The following DDX31 variants were observed in gnomAD, a reference collection of about 807,000 sequenced individuals.
DDX31 encodes DEAD-box helicase 31.
Under a neutral mutation model 91.3 loss-of-function variants are expected in DDX31, and 70 were observed. The observed-to-expected ratio is 0.77, with a 90% CI of 0.63 to 0.94. The LOEUF (loss-of-function observed/expected upper bound fraction) is 0.94, where lower values mean the gene tolerates loss of function less well. Among genes scored for constraint, DDX31 ranks in the 40% least tolerant of loss-of-function variants. The pLI, the probability that DDX31 is intolerant of heterozygous loss-of-function variation, is 0.00. For missense variants in DDX31, 902 were observed against 925.0 expected, an observed-to-expected ratio of 0.98 and a Z score of 0.32; for synonymous variants, 362 against 350.6, an observed-to-expected ratio of 1.03 and a Z score of -0.36.
Position 132,612,075 on chromosome 9 carries a change from A to G in DDX31, c.1994+12T>C. ...TCTAGCCCCGTCACGGGACGAATTC[A>G]GCTCATCTTACCTTTTCACGTGTGC... On this transcript the variant is annotated intron_variant, in intron 19 of 19. Transcript: ENST00000372159. 1 of 1,610,532 alleles carries G rather than the reference A, an allele frequency of 6.2e-7. No individual in the cohort carries two copies. The highest frequency in any genetic ancestry group is 1.1e-5 in the South Asian group (1 of 91,004).
intron 17 of DDX31, 101 bp downstream of exon 17, chr9:132,625,546 GTTCTTAAAATAAATGTA>G: frequency 2.5e-6 from 2 of 784,988 alleles, no homozygotes; most frequent in African/African-American, 3.6e-5. Context: ...AATGTTCATG[GTTCTTAAAATAAATGTA>G]TTGCTTGACA....
At chr9:132,652,005 G>C (rs1438064190) in intron 7 of DDX31, among the ~76,000 whole-genome samples, 1 of 152,114 alleles carries the variant, frequency 6.6e-6, no homozygotes, top group Non-Finnish European at 1.5e-5. Context: ...AGATCAGATA[G>C]AAGAGATTTC....
At chr9:132,658,757 C>A in intron 5 of DDX31, 22 bp from the exon 6 acceptor site, 5 of 1,609,876 alleles carry the variant, frequency 3.1e-6, no homozygotes, top group Non-Finnish European at 4.2e-6. Context: ...AAAGCAGAAG[C>A]AATTAAAATC....
chr9:132,612,860 T>C (rs1034968598), intron 18 of DDX31, among the ~76,000 whole-genome samples: 2 of 152,170 alleles, frequency 1.3e-5, no homozygotes, highest in African/African-American at 4.8e-5. Context: ...CCAGCTCCCT[T>C]ATCCATAGGC....
rs1173882014 is a variant in DDX31, at chr9:132,658,657, C to T, written c.588+14G>A. ...CACTATGAGCAATGACAGAAAAACA[C>T]ATTTGATACACACCTGTATTTTTGA... On this transcript the variant is annotated intron_variant, in intron 6 of 19. Coordinates refer to ENST00000372159, the MANE Select transcript of DDX31 (RefSeq NM_022779.9). 5 of 1,612,240 alleles carry T rather than the reference C, an allele frequency of 3.1e-6. No homozygotes were observed. The highest frequency in any genetic ancestry group is 4.2e-6 in the Non-Finnish European group (5 of 1,178,926).
chr9:132,664,555 C>G (rs1279516048), intron 1 of DDX31, among the ~76,000 whole-genome samples: 1 of 151,732 alleles, frequency 6.6e-6, no homozygotes, highest in Non-Finnish European at 1.5e-5. Context: ...CAAAAAAATA[C>G]AAAAATTAGC....
chr9:132,599,467 G>A (rs1468364271), intron 19 of DDX31, among the ~76,000 whole-genome samples: 2 of 152,206 alleles, frequency 1.3e-5, no homozygotes, highest in Non-Finnish European at 2.9e-5. Context: ...AAATGTATCA[G>A]GGTTAACCTG....
intron 3 of DDX31, 44 bp downstream of exon 3, chr9:132,662,217 C>T (rs773928328): frequency 5.0e-6 from 8 of 1,604,386 alleles, no homozygotes; most frequent in South Asian, 1.1e-5. Context: ...AACGGACAAA[C>T]ACACCAAAAA....
At chr9:132,622,091 G>A (rs536539522) in intron 17 of DDX31, among the ~76,000 whole-genome samples, 9 of 152,132 alleles carry the variant, frequency 5.9e-5, no homozygotes, top group African/African-American at 2.2e-4. Context: ...ATGAGACAGA[G>A]TTTCTAGACC....
chr9:132,645,241 G>A lies in DDX31; in HGVS notation c.1380+654C>T, dbSNP rs1053159404. On this transcript the variant is annotated intron_variant, in intron 13 of 19. Coordinates refer to ENST00000372159, the MANE Select transcript of DDX31 (RefSeq NM_022779.9). ...ATTCCACCCCGACTCCATAACAAAC[G>A]GCCTAGTTAAGAGTGGAGGAATGCG... 9.2e-5 allele frequency among the ~76,000 whole-genome samples: 14 copies of A among 152,100 alleles called. No homozygotes were observed. In the East Asian group the frequency reaches 1.7e-3, roughly 19 times the overall value.
chr9:132,594,719 A>G lies in DDX31; in HGVS notation c.*147T>C. On this transcript the variant is annotated 3_prime_UTR_variant, in exon 20 of 20. Transcript: ENST00000372159. Reference sequence around the variant, plus strand: ...CAGGCTCCAGGGCCTCCCATGGAGGAGAAGGGCTGTGGCCCCTCTGATTCT... The same window carrying G: ...CAGGCTCCAGGGCCTCCCATGGAGGGGAAGGGCTGTGGCCCCTCTGATTCT... 2.2e-6 allele frequency: 3 copies of G among 1,339,150 alleles called. No homozygotes were observed. Among genetic ancestry groups the G allele is most frequent in the Non-Finnish European group, 3.1e-6 (3 of 980,992 alleles). 83.0% of individuals were successfully genotyped at this position (1,339,150 alleles called of 1,614,324 possible).
At chr9:132,638,374 G>T in intron 14 of DDX31, 1 of 1,614,156 alleles carries the variant, frequency 6.2e-7, no homozygotes. Context: ...CTGTAAGTAG[G>T]AGGAAATAAC....
rs748309055 is a variant in DDX31 at position 132,662,215 on chromosome 9, AAC to A, written c.408+44_408+45del. ...ATTTCACAGACCTTCTGAACGGACA[AAC>A]ACACCAAAAAAAACTGACCCAGAAA... On this transcript the variant is annotated intron_variant, in intron 3 of 19. Coordinates refer to ENST00000372159, the MANE Select transcript of DDX31 (RefSeq NM_022779.9). 3.1e-6 allele frequency: 5 copies of A among 1,603,402 alleles called. No homozygotes were observed. The South Asian group carries it at 4.4e-5, about 14-fold the overall frequency.
chr9:132,637,804 T>C, intron 14 of DDX31: 2 of 984,420 alleles, frequency 2.0e-6, no homozygotes. Context: ...ATCTTTCCAT[T>C]AACGAAACAA....
intron 19 of DDX31, among the ~76,000 whole-genome samples, chr9:132,608,251 C>T (rs1191517906): frequency 6.6e-6 from 1 of 152,146 alleles, no homozygotes; most frequent in Non-Finnish European, 1.5e-5. Flanking sequence ...GCTGTTTTGA[C>T]AGGTTTGCGT....
intron 11 of DDX31, 151 bp downstream of exon 11, chr9:132,648,038 G>C: frequency 3.3e-6 from 2 of 610,372 alleles, no homozygotes; most frequent in Non-Finnish European, 5.6e-6. Context: ...GTAGAACATA[G>C]AGTTTGAAAA....
rs775959014 is a variant in DDX31, at chr9:132,646,080, A to G, written c.1204-9T>C. 2 of 1,607,390 alleles carry G rather than the reference A, an allele frequency of 1.2e-6. No homozygotes were observed. The highest frequency in any genetic ancestry group is 1.7e-6 in the Non-Finnish European group (2 of 1,175,358). Reference sequence around the variant, plus strand: ...TTCTGGTCTTCCTCAAACTACATCGATACAAAGGGAGGAAAAACCGACATA... The same window carrying G: ...TTCTGGTCTTCCTCAAACTACATCGGTACAAAGGGAGGAAAAACCGACATA... On this transcript the variant is annotated splice_polypyrimidine_tract_variant and intron_variant, in intron 12 of 19. Coordinates refer to ENST00000372159, the MANE Select transcript of DDX31 (RefSeq NM_022779.9).
At chr9:132,662,814 C>A in intron 1 of DDX31, 119 bp from the exon 2 acceptor site, 1 of 1,331,636 alleles carries the variant, frequency 7.5e-7, no homozygotes, top group Non-Finnish European at 1.0e-6. Flanking sequence ...TCATTATGCC[C>A]CATATGTCAA....
chr9:132,651,319 C>T (rs188700379), intron 7 of DDX31, among the ~76,000 whole-genome samples: 1 of 152,276 alleles, frequency 6.6e-6, no homozygotes, highest in East Asian at 1.9e-4. Context: ...GTAAAGACAA[C>T]ACTTCTATTT....
Sources: allele counts gnomAD v4.1 joint callset (sites outside exome capture counted in the v4.1 genomes callset), GRCh38; gene constraint gnomAD v4.1.1; transcripts MANE v1.5; gene names NCBI Gene and HGNC (gene_info 2026-07-23, HGNC 2026-07-21).